The following SHPRH variants were observed in gnomAD, a reference collection of about 807,000 sequenced individuals.
SHPRH encodes the protein E3 ubiquitin-protein ligase SHPRH.
Under a neutral mutation model 202.5 loss-of-function variants are expected in SHPRH, and 106 were observed. That is an observed-to-expected ratio of 0.52 (90% confidence interval 0.45 to 0.62). The LOEUF (loss-of-function observed/expected upper bound fraction) is 0.62, where lower values mean the gene tolerates loss of function less well. SHPRH is among the 20% of genes least tolerant of loss of function. The pLI is 0.00. For missense variants in SHPRH, 1,710 were observed against 2,020.0 expected, an observed-to-expected ratio of 0.85 and a Z score of 2.94; for synonymous variants, 729 against 686.0, an observed-to-expected ratio of 1.06 and a Z score of -0.98.
chr6:145,916,524 C>T (rs1451877992), intron 23 of SHPRH, among the ~76,000 whole-genome samples: 2 of 152,054 alleles, frequency 1.3e-5, no homozygotes, highest in Non-Finnish European at 2.9e-5. Flanking sequence ...AAATCTGTGC[C>T]TAATTGTTGG....
At chr6:145,883,034 A>G (rs1419529780), downstream of SHPRH, among the ~76,000 whole-genome samples, 1 of 152,158 alleles carries the variant, frequency 6.6e-6, no homozygotes, top group African/African-American at 2.4e-5. Context: ...CATTAAGAGC[A>G]GGTTTACTGG....
intron 29 of SHPRH, among the ~76,000 whole-genome samples, chr6:145,887,047 G>A (rs1181701745): frequency 6.6e-6 from 1 of 152,062 alleles, no homozygotes; most frequent in East Asian, 1.9e-4. Context: ...CTTGACTACT[G>A]CTACTAAGGC....
At chr6:145,948,932 G>A (rs1006863679) in intron 4 of SHPRH, among the ~76,000 whole-genome samples, 28 of 152,016 alleles carry the variant, frequency 1.8e-4, no homozygotes, top group African/African-American at 6.3e-4. Context: ...TAAACCAACT[G>A]CCAAATAAGT....
chr6:145,917,077 T>C (rs905928125), intron 23 of SHPRH: 17 of 152,294 alleles, frequency 1.1e-4, no homozygotes, highest in African/African-American at 3.8e-4. Context: ...TTCTTAATGT[T>C]AGCAATTTGC....
At chr6:145,898,717 C>A (rs1782228585) in intron 25 of SHPRH, among the ~76,000 whole-genome samples, 1 of 152,132 alleles carries the variant, frequency 6.6e-6, no homozygotes, top group Non-Finnish European at 1.5e-5. Flanking sequence ...TCTGCTACCC[C>A]TATGACCTCC....
In SHPRH at chr6:145,923,740, T is replaced by C. The variant is rs1002493575; in HGVS notation, c.3448A>G (p.Ile1150Val). ...PWWLNVIHRA[I>V]EFTIDEELVQ... The stretch of plus-strand genomic sequence containing the variant: ...AGCTCCTCATCAATAGTAAATTCTA[T>C]TGCTCTGTGGATCACATTTAGCCAC... Residue 1150 changes from isoleucine (I) to valine (V), a missense_variant, in exon 18 of 30, where the codon ATA becomes GTA. Coordinates refer to ENST00000275233, the MANE Select transcript of SHPRH (RefSeq NM_001042683.3). 7 of 1,611,896 alleles carry C rather than the reference T, an allele frequency of 4.3e-6. No individual in the cohort carries two copies. Among genetic ancestry groups the C allele is most frequent in the Non-Finnish European group, 5.9e-6 (7 of 1,178,646 alleles).
intron 27 of SHPRH, 45 bp from the exon 28 acceptor site, chr6:145,893,438 A>G (rs1396054124): frequency 2.7e-6 from 4 of 1,478,204 alleles, no homozygotes; most frequent in East Asian, 2.5e-5. Context: ...ATCAGTTAAA[A>G]TAAGAGCAGT....
chr6:145,877,423 A>G (rs1780351802), intron 2 of SHPRH, among the ~76,000 whole-genome samples: 1 of 152,206 alleles, frequency 6.6e-6, no homozygotes, highest in African/African-American at 2.4e-5. Flanking sequence ...CCTACAAACC[A>G]TGGATCCTCA....
Position 145,954,799 on chromosome 6 carries a change from A to G in SHPRH, c.524T>C (p.Ile175Thr), listed in dbSNP as rs754872256. 1 of 1,613,888 alleles carries G rather than the reference A, an allele frequency of 6.2e-7. No individual in the cohort carries two copies. Among genetic ancestry groups the G allele is most frequent in the Non-Finnish European group, 8.5e-7 (1 of 1,179,866 alleles). The part of the protein sequence containing the change: ...KEPMSICDKG[I>T]LVESSFSGEM... ...ACCACTGAAGGATGACTCCACCAGAATACCCTTGTCACAAATACTCATCGG... is the reference window on the plus strand; with the variant it reads ...ACCACTGAAGGATGACTCCACCAGAGTACCCTTGTCACAAATACTCATCGG... Residue 175 changes from isoleucine (I) to threonine (T), a missense_variant, in exon 2 of 30, where the codon ATT becomes ACT. Ile to Thr is a moderately conservative substitution (Grantham distance 89). Around this residue, in one of 8 missense-constraint regions of SHPRH, gnomAD observed 459 missense variants for 426.5 expected, o/e 1.08. Transcript: ENST00000275233.
chr6:145,938,086 AT>A (rs1437819103), intron 11 of SHPRH, among the ~76,000 whole-genome samples: 1 of 152,216 alleles, frequency 6.6e-6, no homozygotes, highest in Non-Finnish European at 1.5e-5. Context: ...GTTTGAATGT[AT>A]CCCCCAAAAG....
At chr6:145,952,212 G>C (rs1317268385) in intron 3 of SHPRH, 137 bp downstream of exon 3, 2 of 738,640 alleles carry the variant, frequency 2.7e-6, no homozygotes, top group Non-Finnish European at 4.2e-6. Flanking sequence ...TTTCAAATAA[G>C]TATAATTTGC....
In SHPRH at chr6:145,893,349, C is replaced by T; in HGVS notation, c.4740G>A (p.Leu1580=). The T allele has an allele frequency of 1.9e-6, 3 of 1,596,106 alleles. No individual in the cohort carries two copies. The highest frequency in any genetic ancestry group is 2.6e-6 in the Non-Finnish European group (3 of 1,173,612). The change falls in exon 28 of 30, where the codon TTG becomes TTA. Residue 1580 remains leucine, a synonymous_variant. Transcript: ENST00000275233. ...TAGAACCTGTGTGCAGGGGCAGCAGCAAAATATTGATTTGGGGATCACGTT... is the reference window on the plus strand; with the variant it reads ...TAGAACCTGTGTGCAGGGGCAGCAGTAAAATATTGATTTGGGGATCACGTT... ...AFKRDPQINI[L]LLPLHTGSNG... is the part of the protein sequence containing the mutation.
At chr6:145,867,623 T>TAG (rs1562268495) in intron 2 of SHPRH, among the ~76,000 whole-genome samples, 31 of 68,420 alleles carry the variant, frequency 4.5e-4, no homozygotes, top group Non-Finnish European at 6.1e-4. Flanking sequence ...TATATATATA[T>TAG]ATATATATAG....
chr6:145,887,278 C>A (rs1311384229), intron 29 of SHPRH, among the ~76,000 whole-genome samples: 1 of 152,130 alleles, frequency 6.6e-6, no homozygotes, highest in Non-Finnish European at 1.5e-5. Flanking sequence ...AAGAAAATTT[C>A]TAGTTTCAAA....
chr6:145,953,432 A>C (rs1049731900), intron 2 of SHPRH, among the ~76,000 whole-genome samples: 7 of 152,128 alleles, frequency 4.6e-5, no homozygotes, highest in Non-Finnish European at 1.0e-4. Context: ...TATGTGAGTC[A>C]TAAATTGTTA....
chr6:145,943,803 C>T lies in SHPRH; in HGVS notation c.1579-1G>A. 1 of 1,553,874 alleles carries T rather than the reference C, an allele frequency of 6.4e-7. No homozygotes were observed. The highest frequency in any genetic ancestry group is 8.6e-7 in the Non-Finnish European group (1 of 1,157,744). Reference sequence around the variant, plus strand: ...GAATTTTCCTTGGACTCCCTACTGCCTATGAAAAAAATATTTAATTAATTG... The same window carrying T: ...GAATTTTCCTTGGACTCCCTACTGCTTATGAAAAAAATATTTAATTAATTG... On this transcript the variant is annotated splice_acceptor_variant, in intron 8 of 29. Transcript: ENST00000275233. LOFTEE classifies it high-confidence loss of function.
intron 2 of SHPRH, chr6:145,870,780 G>A (rs897722825): frequency 6.6e-6 from 1 of 152,190 alleles, no homozygotes; most frequent in African/African-American, 2.4e-5. Context: ...GATGTTAGCT[G>A]TAGGGTTTTT....
At position 145,886,762 on chromosome 6, in the gene SHPRH, A is replaced by C; in HGVS notation, c.4981T>G (p.Ser1661Ala). The change falls in exon 30 of 30, where the codon TCA becomes GCA. Residue 1661 changes from serine to alanine, a missense_variant. Ser to Ala is a moderately conservative substitution (Grantham distance 99). This residue lies in a region of SHPRH where 306 missense variants were observed against 479.5 expected (regional missense o/e 0.64). Coordinates refer to ENST00000275233, the MANE Select transcript of SHPRH (RefSeq NM_001042683.3). ...RSHTNSSAKHSEASVLTVADL... is the reference protein window; with the variant it reads ...RSHTNSSAKHAEASVLTVADL... ...GCCACAGTCAAGACAGAGGCCTCTG[A>C]ATGCTTTGCTGATGAGTTCGTGTGA... 6.2e-7 allele frequency: 1 copy of C among 1,613,700 alleles called. No homozygotes were observed. The highest frequency in any genetic ancestry group is 8.5e-7 in the Non-Finnish European group (1 of 1,179,728).
intron 23 of SHPRH, among the ~76,000 whole-genome samples, chr6:145,914,755 C>G (rs1389444468): frequency 6.6e-6 from 1 of 152,092 alleles, no homozygotes; most frequent in Non-Finnish European, 1.5e-5. Flanking sequence ...CTGTCAATTT[C>G]TATTAAACTT....
Sources: allele counts gnomAD v4.1 joint callset (sites outside exome capture counted in the v4.1 genomes callset), GRCh38; gene constraint gnomAD v4.1.1; regional missense constraint gnomAD v4.1.1; transcripts MANE v1.5; gene names NCBI Gene and HGNC (gene_info 2026-07-23, HGNC 2026-07-21).